GNA14: variants seen among roughly 807,000 people sequenced by gnomAD.
GNA14 encodes G protein subunit alpha 14.
GNA14 carries 50 observed loss-of-function variants against 42.0 expected under a neutral mutation model. The observed-to-expected ratio is 1.19, with a 90% CI of 0.95 to 1.51. The LOEUF is 1.51. Among genes scored for constraint, GNA14 ranks in the 40% most tolerant of loss-of-function variants. GNA14 has a pLI of 0.00. For synonymous variants in GNA14, 173 were observed against 163.1 expected (o/e 1.06, Z -0.46); for missense variants, 473 against 446.2 (o/e 1.06, Z -0.54).
At chr9:77,520,660 G>C (rs1310338096) in intron 2 of GNA14, among the ~76,000 whole-genome samples, 1 of 152,086 alleles carries the variant, frequency 6.6e-6, no homozygotes, top group East Asian at 1.9e-4. Context: ...CCGCCTCCGG[G>C]GTTCAAGAGA....
intron 1 of GNA14, among the ~76,000 whole-genome samples, chr9:77,636,269 A>G (rs947766955): frequency 1.3e-5 from 2 of 152,246 alleles, no homozygotes; most frequent in African/African-American, 4.8e-5. Context: ...AATCCATCTA[A>G]TAATAACTGA....
At chr9:77,594,675 A>G (rs996112288) in intron 1 of GNA14, among the ~76,000 whole-genome samples, 2 of 152,172 alleles carry the variant, frequency 1.3e-5, no homozygotes, top group African/African-American at 4.8e-5. Flanking sequence ...AAAAGGTGAA[A>G]GGACTTGAAG....
Position 77,587,481 on chromosome 9 carries a change from A to C in GNA14, c.125-58228T>G, listed in dbSNP as rs77851293. On this transcript the variant is annotated intron_variant, in intron 1 of 6. Transcript: ENST00000341700. Reference sequence around the variant, plus strand: ...ATATTATTCAGCCATAAAAGGAATGAGGTACTGGCACATGCTACAACATGG... The same window carrying C: ...ATATTATTCAGCCATAAAAGGAATGCGGTACTGGCACATGCTACAACATGG... Among the ~76,000 whole-genome samples the C allele has an allele frequency of 6.4e-3, 976 of 152,342 alleles. 10 individuals carry two copies. Among genetic ancestry groups the C allele is most frequent in the African/African-American group, 0.021 (859 of 41,574 alleles).
chr9:77,630,122 T>C lies in GNA14; in HGVS notation c.124+17548A>G, dbSNP rs557372762. Among the ~76,000 whole-genome samples, 184 of 151,850 alleles carry C rather than the reference T, an allele frequency of 1.2e-3. 1 individual carries two copies. The highest frequency in any genetic ancestry group is 8.6e-3 in the South Asian group (41 of 4,792). On this transcript the variant is annotated intron_variant, in intron 1 of 6. Transcript: ENST00000341700. ...TGGGGTTTGTTTTTTGTTTTTTTTT[T>C]TTTTGACAGAGTTTTACTCTGTCAC...
At chr9:77,474,906 A>G (rs1836392523) in intron 2 of GNA14, among the ~76,000 whole-genome samples, 1 of 152,132 alleles carries the variant, frequency 6.6e-6, no homozygotes, top group African/African-American at 2.4e-5. Context: ...GAATGGCCAC[A>G]TATTACATGA....
intron 2 of GNA14, among the ~76,000 whole-genome samples, chr9:77,508,634 T>C (rs1371999820): frequency 6.6e-6 from 1 of 152,178 alleles, no homozygotes; most frequent in African/African-American, 2.4e-5. Context: ...GTGAGAAGCA[T>C]GTAACAACCA....
intron 2 of GNA14, chr9:77,518,006 G>A (rs1049405320): frequency 1.3e-5 from 2 of 152,218 alleles, no homozygotes; most frequent in African/African-American, 2.4e-5. Context: ...ACTTAATGCA[G>A]TGTCTTATTA....
At chr9:77,583,036 C>T (rs933907663) in intron 1 of GNA14, among the ~76,000 whole-genome samples, 1 of 152,208 alleles carries the variant, frequency 6.6e-6, no homozygotes, top group East Asian at 1.9e-4. Context: ...AATTGTCGGT[C>T]AAACTGCAAA....
intron 2 of GNA14, among the ~76,000 whole-genome samples, chr9:77,438,907 T>G (rs1835683224): frequency 6.6e-6 from 1 of 152,156 alleles, no homozygotes. Flanking sequence ...CATCAGGAAA[T>G]AGGCGTGGAC....
At chr9:77,482,373 G>C (rs888030266) in intron 2 of GNA14, among the ~76,000 whole-genome samples, 2 of 152,170 alleles carry the variant, frequency 1.3e-5, no homozygotes, top group Non-Finnish European at 2.9e-5. Context: ...TAAGAATGTT[G>C]AATATTGGTC....
At chr9:77,608,925 C>G (rs4621884) in intron 1 of GNA14, among the ~76,000 whole-genome samples, 4 of 151,984 alleles carry the variant, frequency 2.6e-5, no homozygotes, top group Non-Finnish European at 5.9e-5. Context: ...AATAGCTGAT[C>G]AAATCCTTCA....
intron 1 of GNA14, among the ~76,000 whole-genome samples, chr9:77,561,538 A>G (rs914004607): frequency 1.3e-5 from 2 of 152,238 alleles, no homozygotes; most frequent in African/African-American, 4.8e-5. Context: ...AAGGAAGGAA[A>G]TGCTCACAGA....
chr9:77,644,427 T>A (rs1335762205), intron 1 of GNA14, among the ~76,000 whole-genome samples: 1 of 62,416 alleles, frequency 1.6e-5, no homozygotes, highest in African/African-American at 8.2e-5. Flanking sequence ...AACTCCAACC[T>A]AAAGAGTGTC....
chr9:77,619,351 C>T (rs1269545491), intron 1 of GNA14, among the ~76,000 whole-genome samples: 3 of 152,108 alleles, frequency 2.0e-5, no homozygotes, highest in Admixed American at 6.6e-5. Context: ...AGACTACAGG[C>T]GCGTGTCATC....
At chr9:77,553,891 G>A (rs1282778242) in intron 1 of GNA14, among the ~76,000 whole-genome samples, 1 of 152,194 alleles carries the variant, frequency 6.6e-6, no homozygotes, top group Admixed American at 6.5e-5. Context: ...TAAATGCGTA[G>A]TGATAGGAGA....
chr9:77,641,453 C>CA (rs1488637859), intron 1 of GNA14, among the ~76,000 whole-genome samples: 4 of 151,218 alleles, frequency 2.6e-5, no homozygotes, highest in Admixed American at 2.6e-4. Context: ...GGTGTGCCTC[C>CA]AGATGCCACC....
intron 1 of GNA14, among the ~76,000 whole-genome samples, chr9:77,612,663 T>TAAAAAAAAA (rs894428019): frequency 7.1e-6 from 1 of 140,698 alleles, no homozygotes. Flanking sequence ...GGCTATTATT[T>TAAAAAAAAA]AAAAAAAAAA....
intron 1 of GNA14, among the ~76,000 whole-genome samples, chr9:77,617,528 A>T (rs79984077): frequency 0.018 from 2,809 of 152,190 alleles, 77 homozygotes; most frequent in African/African-American, 0.064. Flanking sequence ...TGGACATTCC[A>T]TAACATCTCA....
At chr9:77,536,801 C>T (rs529918392) in intron 1 of GNA14, among the ~76,000 whole-genome samples, 1 of 152,206 alleles carries the variant, frequency 6.6e-6, no homozygotes, top group African/African-American at 2.4e-5. Flanking sequence ...TGTGAGAGTA[C>T]CTCTTATATC....
Sources: allele counts gnomAD v4.1 joint callset (sites outside exome capture counted in the v4.1 genomes callset), GRCh38; gene constraint gnomAD v4.1.1; transcripts MANE v1.5; gene names NCBI Gene and HGNC (gene_info 2026-07-23, HGNC 2026-07-21).